The following TLN2 variants were observed in gnomAD, a reference collection of about 807,000 sequenced individuals.
The protein encoded by TLN2 is talin 2.
In TLN2, 118 loss-of-function variants were observed where a neutral mutation model predicts 294.7. The observed-to-expected ratio is 0.40, with a 90% CI of 0.34 to 0.47. TLN2 has a LOEUF of 0.47. Among genes scored for constraint, TLN2 ranks in the 20% least tolerant of loss-of-function variants. The probability of loss-of-function intolerance (pLI) is 0.84; values close to 1 mark genes in which losing one functional copy is unlikely to be tolerated. For missense variants in TLN2, 3,083 were observed against 3,282.2 expected, an observed-to-expected ratio of 0.94 and a Z score of 1.48; for synonymous variants, 1,431 against 1,304.5, an observed-to-expected ratio of 1.10 and a Z score of -2.09.
intron 1 of TLN2, among the ~76,000 whole-genome samples, chr15:62,396,455 T>C (rs2032557129): frequency 6.6e-6 from 1 of 152,252 alleles, no homozygotes; most frequent in Admixed American, 6.5e-5. Context: ...TTAATTATTT[T>C]CTAAAATCTT....
chr15:62,795,369 G>A (rs940689426), intron 46 of TLN2, among the ~76,000 whole-genome samples: 8 of 152,158 alleles, frequency 5.3e-5, no homozygotes, highest in African/African-American at 1.4e-4. Flanking sequence ...GGGGAGATTT[G>A]TAAGCAGGGT....
intron 3 of TLN2, among the ~76,000 whole-genome samples, chr15:62,622,976 T>C (rs1273957078): frequency 6.6e-6 from 1 of 152,258 alleles, no homozygotes; most frequent in East Asian, 1.9e-4. Flanking sequence ...CCTGCACAGC[T>C]GGCCCTGAGT....
intron 3 of TLN2, among the ~76,000 whole-genome samples, chr15:62,635,314 G>C (rs1199973975): frequency 6.6e-6 from 1 of 151,960 alleles, no homozygotes; most frequent in Admixed American, 6.6e-5. Flanking sequence ...AATCCTTATT[G>C]CATCCTTATT....
At chr15:62,638,300 C>T (rs971899618) in intron 3 of TLN2, 1 of 348,670 alleles carries the variant, frequency 2.9e-6, no homozygotes, top group South Asian at 2.3e-5. Flanking sequence ...GCACTCAGCT[C>T]AGTTGCCCGG....
At chr15:62,678,120 A>G (rs1370261964) in intron 11 of TLN2, among the ~76,000 whole-genome samples, 1 of 152,110 alleles carries the variant, frequency 6.6e-6, no homozygotes, top group Admixed American at 6.6e-5. Flanking sequence ...CTATATACAT[A>G]TTAAATATTC....
At chr15:62,534,317 G>T (rs1438908663) in intron 1 of TLN2, among the ~76,000 whole-genome samples, 1 of 152,214 alleles carries the variant, frequency 6.6e-6, no homozygotes, top group Admixed American at 6.5e-5. Context: ...GATGCCAGTG[G>T]CCAGCACAGA....
intron 1 of TLN2, among the ~76,000 whole-genome samples, chr15:62,511,604 C>T (rs963637591): frequency 9.2e-5 from 14 of 152,102 alleles, no homozygotes; most frequent in African/African-American, 3.1e-4. Context: ...CACCCCACCC[C>T]CAGCGTGAGA....
At chr15:62,472,044 C>T (rs1352684868) in intron 1 of TLN2, among the ~76,000 whole-genome samples, 2 of 152,134 alleles carry the variant, frequency 1.3e-5, no homozygotes, top group African/African-American at 2.4e-5. Flanking sequence ...ATAGGAGGCC[C>T]GTCAGACTTA....
At chr15:62,496,027 A>C (rs768596209) in intron 1 of TLN2, among the ~76,000 whole-genome samples, 21 of 152,178 alleles carry the variant, frequency 1.4e-4, no homozygotes, top group Non-Finnish European at 2.4e-4. Context: ...TAAACAGATG[A>C]TGATCATGAT....
At chr15:62,727,257 G>A in intron 28 of TLN2, 68 bp downstream of exon 28, 1 of 1,410,234 alleles carries the variant, frequency 7.1e-7, no homozygotes, top group East Asian at 2.4e-5. Flanking sequence ...GGGAGGAGGA[G>A]GAGTTCATTC....
intron 1 of TLN2, among the ~76,000 whole-genome samples, chr15:62,425,680 T>C (rs1183638131): frequency 3.3e-5 from 5 of 152,168 alleles, no homozygotes; most frequent in African/African-American, 7.2e-5. Flanking sequence ...GGTTTGAAAA[T>C]GTTTACATAG....
intron 2 of TLN2, among the ~76,000 whole-genome samples, chr15:62,600,081 G>T (rs987850658): frequency 4.6e-5 from 7 of 152,124 alleles, no homozygotes; most frequent in Admixed American, 4.6e-4. Context: ...AAGAGGAGGT[G>T]GGATTTCCCG....
intron 9 of TLN2, among the ~76,000 whole-genome samples, chr15:62,663,636 A>G (rs2054172392): frequency 1.3e-5 from 2 of 151,964 alleles, no homozygotes; most frequent in South Asian, 4.1e-4. Flanking sequence ...CAAATCAAAA[A>G]AGAGGAAATA....
intron 1 of TLN2, among the ~76,000 whole-genome samples, chr15:62,545,034 A>G (rs1043565660): frequency 6.7e-6 from 1 of 150,156 alleles, no homozygotes. Context: ...GGCTCACACC[A>G]TTCTCCTGCC....
At chr15:62,665,014 ATACTT>A (rs1278133733) in intron 9 of TLN2, among the ~76,000 whole-genome samples, 1 of 118,432 alleles carries the variant, frequency 8.4e-6, no homozygotes, top group African/African-American at 2.9e-5. Flanking sequence ...TGGTAGGTAT[ATACTT>A]TATAAGGCAT....
chr15:62,499,061 T>C (rs1332940411), intron 1 of TLN2, among the ~76,000 whole-genome samples: 2 of 152,182 alleles, frequency 1.3e-5, no homozygotes, highest in Non-Finnish European at 2.9e-5. Flanking sequence ...TTTATGGAAG[T>C]CTCTAGGAGT....
intron 16 of TLN2, among the ~76,000 whole-genome samples, 172 bp from the exon 17 acceptor site, chr15:62,700,933 CT>C (rs1212188737): frequency 6.6e-6 from 1 of 152,216 alleles, no homozygotes; most frequent in African/African-American, 2.4e-5. Flanking sequence ...GTATCTCTTG[CT>C]CCTTAAGAGG....
At chr15:62,545,227 C>T (rs968922055) in intron 1 of TLN2, among the ~76,000 whole-genome samples, 3 of 152,102 alleles carry the variant, frequency 2.0e-5, no homozygotes, top group Non-Finnish European at 2.9e-5. Context: ...CGTGAGCCAC[C>T]GCACCCGGCT....
chr15:62,660,083 G>A (rs1335578281), intron 9 of TLN2, among the ~76,000 whole-genome samples: 2 of 152,136 alleles, frequency 1.3e-5, no homozygotes, highest in African/African-American at 4.8e-5. Context: ...GAGAAGGTTG[G>A]ACTTGTGACA....
Sources: allele counts gnomAD v4.1 joint callset (sites outside exome capture counted in the v4.1 genomes callset), GRCh38; gene constraint gnomAD v4.1.1; transcripts MANE v1.5; gene names NCBI Gene and HGNC (gene_info 2026-07-23, HGNC 2026-07-21).